The following JAK1 variants were observed in gnomAD, a reference collection of about 807,000 sequenced individuals.
JAK1 encodes the protein Janus kinase 1.
JAK1 carries 16 observed loss-of-function variants against 136.6 expected under a neutral mutation model. The ratio of observed to expected loss-of-function variants is 0.12; its 90% confidence interval spans 0.08 to 0.18. The LOEUF is 0.18. Ranked by LOEUF, JAK1 falls within the 10% of genes least tolerant of loss-of-function variation. JAK1 has a pLI of 1.00. For missense variants in JAK1, 859 were observed against 1,450.1 expected, an observed-to-expected ratio of 0.59 and a Z score of 6.62; for synonymous variants, 492 against 519.5, an observed-to-expected ratio of 0.95 and a Z score of 0.72.
chr1:64,996,434 TATTTCCCGAATTAAAAATGTAGACAC>T (rs1439255781), intron 2 of JAK1, among the ~76,000 whole-genome samples: 1 of 152,246 alleles, frequency 6.6e-6, no homozygotes, highest in Non-Finnish European at 1.5e-5. Context: ...GATACAGTGA[TATTTCCCGAATTAAAAATGTAGACAC>T]ATAATCTGAT....
At chr1:64,907,004 CAA>C (rs35945175) in intron 1 of JAK1, among the ~76,000 whole-genome samples, 7 of 140,438 alleles carry the variant, frequency 5.0e-5, no homozygotes, top group East Asian at 2.0e-4. Context: ...AGGAGAAGCA[CAA>C]AAAAAAAAAA....
At chr1:65,019,281 T>C (rs1303344317) in intron 2 of JAK1, among the ~76,000 whole-genome samples, 1 of 152,152 alleles carries the variant, frequency 6.6e-6, no homozygotes, top group African/African-American at 2.4e-5. Context: ...ATTTGACCTA[T>C]GGATGTATGT....
At chr1:64,858,671 G>A (rs1656099689) in intron 9 of JAK1, among the ~76,000 whole-genome samples, 2 of 152,176 alleles carry the variant, frequency 1.3e-5, no homozygotes, top group Non-Finnish European at 2.9e-5. Context: ...AGAAAGCAGT[G>A]AGCAATGCAG....
chr1:65,047,695 G>A (rs932783970), intron 1 of JAK1, among the ~76,000 whole-genome samples: 10 of 151,850 alleles, frequency 6.6e-5, no homozygotes, highest in Non-Finnish European at 1.3e-4. Context: ...CTCCAGCCCG[G>A]GCAACAGAGC....
intron 10 of JAK1, among the ~76,000 whole-genome samples, chr1:64,856,345 GA>G (rs1655929145): frequency 6.6e-6 from 1 of 152,180 alleles, no homozygotes; most frequent in Non-Finnish European, 1.5e-5. Context: ...TGTAAACTAG[GA>G]GATGATATTC....
intron 2 of JAK1, chr1:64,987,188 T>C (rs912133477): frequency 6.6e-6 from 1 of 152,214 alleles, no homozygotes; most frequent in Non-Finnish European, 1.5e-5. Flanking sequence ...CCCAGAGTAC[T>C]TTGCATGTAC....
intron 11 of JAK1, among the ~76,000 whole-genome samples, chr1:64,853,985 TA>T (rs1655765117): frequency 6.6e-6 from 1 of 152,232 alleles, no homozygotes; most frequent in Non-Finnish European, 1.5e-5. Context: ...TGTTGGGCTT[TA>T]AGGTTTGAAC....
chr1:64,929,458 A>T (rs1021702397), intron 1 of JAK1, among the ~76,000 whole-genome samples: 2 of 152,182 alleles, frequency 1.3e-5, no homozygotes, highest in African/African-American at 4.8e-5. Flanking sequence ...TCTATACTGC[A>T]AACAAAATTA....
intron 2 of JAK1, among the ~76,000 whole-genome samples, chr1:65,017,528 G>T (rs1211713961): frequency 6.6e-6 from 1 of 151,958 alleles, no homozygotes; most frequent in Admixed American, 6.6e-5. Flanking sequence ...TAATAAAACT[G>T]ATCTAATAGA....
intron 2 of JAK1, among the ~76,000 whole-genome samples, chr1:64,982,752 G>T (rs1646560208): frequency 6.7e-6 from 1 of 150,146 alleles, no homozygotes; most frequent in South Asian, 2.1e-4. Flanking sequence ...TAAAATGGGA[G>T]TGATAATATT....
intron 15 of JAK1, 102 bp downstream of exon 15, chr1:64,845,411 G>T: frequency 7.4e-7 from 1 of 1,356,602 alleles, no homozygotes; most frequent in Non-Finnish European, 1.0e-6. Context: ...GGAACCCAAG[G>T]ACAGGCCCCT....
rs1375235902 is a variant in JAK1 at position 65,035,089 on chromosome 1, T to TA, written c.-78+9390dup. ...ATAAATAAATAAATAAATAAATAAATAATAAATAAATTCTCTTAGTAATGC... is the reference window on the plus strand; with the variant it reads ...ATAAATAAATAAATAAATAAATAAATAAATAAATAAATTCTCTTAGTAATGC... On this transcript the variant is annotated intron_variant, in intron 2 of 25. Coordinates refer to the JAK1 transcript ENST00000671954. Among the ~76,000 whole-genome samples the TA allele has an allele frequency of 4.0e-5, 6 of 150,588 alleles. No individual in the cohort carries two copies. The South Asian group carries it at 6.2e-4, about 16-fold the overall frequency.
intron 1 of JAK1, among the ~76,000 whole-genome samples, chr1:64,946,098 TAATAAAAA>T (rs1306266141): frequency 2.0e-5 from 3 of 151,954 alleles, no homozygotes; most frequent in Non-Finnish European, 2.9e-5. Flanking sequence ...TCAATAACAA[TAATAAAAA>T]AATAAGAAAA....
intron 1 of JAK1, among the ~76,000 whole-genome samples, chr1:65,053,030 CAAAAAAAA>C (rs780968006): frequency 9.4e-4 from 41 of 43,716 alleles, no homozygotes; most frequent in Admixed American, 6.0e-3. Context: ...ACTCTTGTCT[CAAAAAAAA>C]AAAAAAAAAA....
chr1:64,987,407 C>G (rs150972347), intron 2 of JAK1: 2 of 152,192 alleles, frequency 1.3e-5, no homozygotes, highest in African/African-American at 4.8e-5. Flanking sequence ...TAACTAGTGA[C>G]TTGGTAAAGG....
chr1:65,019,462 C>G (rs1225787233), intron 2 of JAK1, among the ~76,000 whole-genome samples: 6 of 147,916 alleles, frequency 4.1e-5, no homozygotes, highest in South Asian at 4.4e-4. Flanking sequence ...GACCCCCCCC[C>G]CAATATATTT....
At chr1:64,960,579 C>T (rs1368984206) in intron 1 of JAK1, among the ~76,000 whole-genome samples, 1 of 152,164 alleles carries the variant, frequency 6.6e-6, no homozygotes, top group Non-Finnish European at 1.5e-5. Flanking sequence ...TGCAGACGGC[C>T]GCAGCTCCTC....
rs777313492 is a variant in JAK1, at chr1:64,847,500, G to A, written c.1899+32C>T. 1.5e-5 allele frequency: 24 copies of A among 1,612,146 alleles called. No homozygotes were observed. In the East Asian group the frequency reaches 5.1e-4, roughly 34 times the overall value. The stretch of plus-strand genomic sequence containing the variant: ...TCCACTGGCTCCAGAAACGGGAGAG[G>A]GGAGGGGAGGAGTTCAGAGGAAGAC... On this transcript the variant is annotated intron_variant, in intron 13 of 24. Coordinates refer to ENST00000342505, the MANE Select transcript of JAK1 (RefSeq NM_002227.4).
At chr1:64,923,564 T>C (rs1447510837) in intron 1 of JAK1, among the ~76,000 whole-genome samples, 3 of 152,196 alleles carry the variant, frequency 2.0e-5, no homozygotes, top group Non-Finnish European at 4.4e-5. Flanking sequence ...TTAGAGTCCC[T>C]CTGGCTAAGA....
Sources: gnomAD v4.1 joint callset for allele counts (sites outside exome capture counted in the v4.1 genomes callset) on GRCh38, gnomAD v4.1.1 for gene constraint, MANE v1.5 for transcripts, NCBI Gene and HGNC (gene_info 2026-07-23, HGNC 2026-07-21) for gene names.